BCCIP: variants seen among roughly 807,000 people sequenced by gnomAD.
BCCIP encodes the protein BRCA2 and CDKN1A-interacting protein.
Under a neutral mutation model 32.8 loss-of-function variants are expected in BCCIP, and 23 were observed. That is an observed-to-expected ratio of 0.70 (90% CI 0.51 to 0.99). BCCIP has a LOEUF of 0.99. Among genes scored for constraint, BCCIP ranks in the 50% least tolerant of loss-of-function variants. The pLI is 0.00. For synonymous variants in BCCIP, 144 were observed against 137.6 expected (o/e 1.05, Z -0.33); for missense variants, 378 against 379.8 (o/e 1.00, Z 0.04).
At chr10:125,823,759 G>A in intron 1 of BCCIP, 37 bp downstream of exon 1, 1 of 1,607,126 alleles carries the variant, frequency 6.2e-7, no homozygotes, top group Non-Finnish European at 8.5e-7. Context: ...GTTTATACCT[G>A]AGAAAAACTT....
At chr10:125,827,534 A>T in intron 2 of BCCIP, 24 bp from the exon 3 acceptor site, 1 of 1,473,220 alleles carries the variant, frequency 6.8e-7, no homozygotes, top group Non-Finnish European at 9.4e-7. Context: ...ATCTTAATTT[A>T]AAATAATTTT....
At chr10:125,839,196 G>A (rs754860980), downstream of BCCIP, 1 of 1,610,560 alleles carries the variant, frequency 6.2e-7, no homozygotes, top group East Asian at 2.2e-5. Flanking sequence ...AGTCTAGGAG[G>A]GAAAGAACAC....
At chr10:125,835,095 T>C (rs1306271397) in intron 6 of BCCIP, among the ~76,000 whole-genome samples, 4 of 151,458 alleles carry the variant, frequency 2.6e-5, no homozygotes, top group East Asian at 2.0e-4. Flanking sequence ...ATTGCGCCAC[T>C]GCACTCCAGC....
exon 7 of BCCIP, chr10:125,842,186 A>G (rs17153668): frequency 2.3e-6 from 1 of 427,868 alleles, no homozygotes; most frequent in East Asian, 4.8e-5. Context: ...TGCGGGGGGA[A>G]CCCAGGTGGA....
At chr10:125,850,623 G>A (rs1428192604) in intron 7 of BCCIP, among the ~76,000 whole-genome samples, 1 of 152,030 alleles carries the variant, frequency 6.6e-6, no homozygotes, top group East Asian at 1.9e-4. Flanking sequence ...CCAAAATGCT[G>A]GGATTAGAGG....
intron 1 of BCCIP, 125 bp downstream of exon 1, chr10:125,823,847 A>C: frequency 7.2e-7 from 1 of 1,382,770 alleles, no homozygotes; most frequent in Non-Finnish European, 9.9e-7. Context: ...AACTGGAGAT[A>C]AGTTCTTTCT....
intron 7 of BCCIP, among the ~76,000 whole-genome samples, chr10:125,849,021 T>C (rs1010291154): frequency 3.3e-5 from 5 of 152,198 alleles, no homozygotes; most frequent in Non-Finnish European, 7.3e-5. Flanking sequence ...CCCCTCAATA[T>C]GGGGACCATC....
In BCCIP at chr10:125,823,679, A is replaced by T; in HGVS notation, c.122A>T (p.Asp41Val). 6.2e-7 allele frequency: 1 copy of T among 1,614,142 alleles called. No individual in the cohort carries two copies. The highest frequency in any genetic ancestry group is 8.5e-7 in the Non-Finnish European group (1 of 1,179,978). Residue 41 changes from aspartate (D) to valine (V), a missense_variant, in exon 1 of 7, where the codon GAC (aspartate) becomes GTC (valine). Physicochemically the swap from Asp to Val is radical, Grantham distance 152 (BLOSUM62 -3). Transcript: ENST00000278100. ...EVENEDEDDD[D>V]SDKEKDEEDE... ...GAAAATGAGGATGAAGACGATGATGACAGTGACAAGGAAAAGGATGAAGAG... is the reference window on the plus strand; with the variant it reads ...GAAAATGAGGATGAAGACGATGATGTCAGTGACAAGGAAAAGGATGAAGAG...
chr10:125,827,025 T>A (rs1854409744), intron 2 of BCCIP, among the ~76,000 whole-genome samples: 1 of 129,572 alleles, frequency 7.7e-6, no homozygotes. Flanking sequence ...GGTCATTCAA[T>A]ACAGGCTCTC....
chr10:125,838,999 A>C, downstream of BCCIP: 1 of 1,613,342 alleles, frequency 6.2e-7, no homozygotes, highest in Non-Finnish European at 8.5e-7. Flanking sequence ...ACCCCTTCTC[A>C]CCTGCATAAA....
Position 125,823,653 on chromosome 10 carries a change from C to T in BCCIP, c.96C>T (p.Val32=), listed in dbSNP as rs774538161. ...GCGACGAGGAAGAGGAAAAAGAAGT[C>T]GAAAATGAGGATGAAGACGATGATG... ...VQRDEEEEKE[V]ENEDEDDDDS... is the part of the protein sequence containing the mutation. The change falls in exon 1 of 7, where the codon GTC becomes GTT. Residue 32 remains valine (V), a synonymous_variant. Coordinates refer to ENST00000278100, the MANE Select transcript of BCCIP (RefSeq NM_078468.3). 3.1e-6 allele frequency: 5 copies of T among 1,613,908 alleles called. No individual in the cohort carries two copies. Among genetic ancestry groups the T allele is most frequent in the Admixed American group, 1.7e-5 (1 of 60,004 alleles).
At chr10:125,834,405 C>T (rs1259659874) in intron 6 of BCCIP, among the ~76,000 whole-genome samples, 1 of 152,122 alleles carries the variant, frequency 6.6e-6, no homozygotes, top group African/African-American at 2.4e-5. Flanking sequence ...TGGATGTCAT[C>T]CTGCTGGTGG....
intron 2 of BCCIP, 133 bp downstream of exon 2, chr10:125,826,798 G>T: frequency 7.0e-7 from 1 of 1,421,698 alleles, no homozygotes; most frequent in Non-Finnish European, 9.2e-7. Flanking sequence ...CCAGGAGTTT[G>T]AGACCAGCCT....
chr10:125,852,278 G>T (rs1438945631), intron 7 of BCCIP: 2 of 1,611,086 alleles, frequency 1.2e-6, no homozygotes, highest in Non-Finnish European at 1.7e-6. Context: ...GGCTGACATG[G>T]GAGCATAAGG....
intron 3 of BCCIP, among the ~76,000 whole-genome samples, chr10:125,828,126 G>A (rs953473047): frequency 1.3e-5 from 2 of 152,006 alleles, no homozygotes; most frequent in African/African-American, 4.8e-5. Context: ...GAGAGAAGTG[G>A]GCTCATTTAG....
Position 125,848,517 on chromosome 10 carries a change from C to T in BCCIP, c.851-4608C>T, listed in dbSNP as rs184669286. Among the ~76,000 whole-genome samples, 31 of 152,320 alleles carry T rather than the reference C, an allele frequency of 2.0e-4. 1 individual carries two copies. Among genetic ancestry groups the T allele is most frequent in the African/African-American group, 7.2e-4 (30 of 41,576 alleles). On this transcript the variant is annotated intron_variant, in intron 7 of 7. Transcript: ENST00000368759. ...GTAAAGTGAGGTTTTGAACTTGGGC[C>T]TTCCACCGGCAGTGTTGAACCTGGC...
downstream of BCCIP, chr10:125,838,897 TTTAC>T (rs1854783172): frequency 6.2e-6 from 8 of 1,289,280 alleles, no homozygotes; most frequent in South Asian, 4.5e-5. Context: ...GATTTTTAGT[TTTAC>T]TTAATGTCAA....
intron 6 of BCCIP, 82 bp downstream of exon 6, chr10:125,834,028 T>C: frequency 6.8e-7 from 1 of 1,471,446 alleles, no homozygotes; most frequent in Non-Finnish European, 9.4e-7. Context: ...GTTCTCCCAC[T>C]TTAGGTCCAA....
downstream of BCCIP, chr10:125,841,223 A>G (rs779377822): frequency 1.4e-5 from 22 of 1,598,840 alleles, no homozygotes; most frequent in Non-Finnish European, 1.7e-5. Context: ...GGTCAACTGA[A>G]TATGGTTAAT....
Sources: allele counts gnomAD v4.1 joint callset (sites outside exome capture counted in the v4.1 genomes callset), GRCh38; gene constraint gnomAD v4.1.1; transcripts MANE v1.5; gene names NCBI Gene and HGNC (gene_info 2026-07-23, HGNC 2026-07-21).